Variants in MEI1 observed in about 807,000 individuals in gnomAD.
MEI1 encodes meiosis inhibitor protein 1.
A neutral mutation model predicts 146.2 loss-of-function variants in MEI1; 103 were observed. That is an observed-to-expected ratio of 0.70 (90% confidence interval 0.60 to 0.83). The LOEUF (loss-of-function observed/expected upper bound fraction) is 0.83, where lower values mean the gene tolerates loss of function less well. Ranked by LOEUF, MEI1 falls within the 40% of genes least tolerant of loss-of-function variation. MEI1 has a pLI of 0.00. For missense variants in MEI1, 1,529 were observed against 1,533.0 expected (o/e 1.00, Z 0.04); for synonymous variants, 652 against 628.2 (o/e 1.04, Z -0.57).
intron 3 of MEI1, 77 bp from the exon 4 acceptor site, chr22:41,713,925 T>C: frequency 1.7e-6 from 2 of 1,201,284 alleles, no homozygotes; most frequent in Non-Finnish European, 2.4e-6. Flanking sequence ...CCTGCACTGA[T>C]TGAGTAGAAG....
At chr22:41,710,766 G>A (rs1368648567) in intron 3 of MEI1, among the ~76,000 whole-genome samples, 1 of 152,194 alleles carries the variant, frequency 6.6e-6, no homozygotes, top group African/African-American at 2.4e-5. Flanking sequence ...TTTGGCAGAA[G>A]TATCATGGTT....
chr22:41,703,555 TG>T (rs2147209124), intron 2 of MEI1, 101 bp downstream of exon 2: 1 of 1,089,224 alleles, frequency 9.2e-7, no homozygotes, highest in South Asian at 2.0e-5. Context: ...TTAGGTTTTT[TG>T]TATTGTAATA....
At chr22:41,746,261 G>A (rs1252488424) in intron 14 of MEI1, among the ~76,000 whole-genome samples, 2 of 152,180 alleles carry the variant, frequency 1.3e-5, no homozygotes, top group Admixed American at 6.5e-5. Flanking sequence ...AAAATAATAA[G>A]TGGGTAAGTT....
At chr22:41,736,544 C>T (rs985721497) in intron 11 of MEI1, among the ~76,000 whole-genome samples, 14 of 152,132 alleles carry the variant, frequency 9.2e-5, no homozygotes, top group South Asian at 2.1e-4. Context: ...TGAGCTACCG[C>T]GCCTGGCCAA....
chr22:41,733,991 G>C (rs192922080), intron 11 of MEI1, among the ~76,000 whole-genome samples: 1 of 151,622 alleles, frequency 6.6e-6, no homozygotes, highest in Non-Finnish European at 1.5e-5. Flanking sequence ...AGCCGGATGT[G>C]GTGTCACACA....
chr22:41,777,983 CT>C (rs1482920892), intron 21 of MEI1, among the ~76,000 whole-genome samples: 9 of 151,126 alleles, frequency 6.0e-5, no homozygotes, highest in African/African-American at 2.2e-4. Context: ...TCCCCTCCTT[CT>C]CCCCTCCCTC....
Position 41,748,130 on chromosome 22 carries a change from C to G in MEI1, c.1704C>G (p.His568Gln), listed in dbSNP as rs2073471774. 6.2e-7 allele frequency: 1 copy of G among 1,613,756 alleles called. No individual in the cohort carries two copies. The highest frequency in any genetic ancestry group is 1.3e-5 in the African/African-American group (1 of 74,904). ...AGAGACACTTGGAGCAGACCACCCACCCAGCTTTGATGGAAGTTTTCCTCT... is the reference window on the plus strand; with the variant it reads ...AGAGACACTTGGAGCAGACCACCCAGCCAGCTTTGATGGAAGTTTTCCTCT... Reference protein sequence around the residue: ...MVMRHLEQTTHPALMEVFLSI... With the variant: ...MVMRHLEQTTQPALMEVFLSI... The change falls in exon 15 of 31, where the codon CAC becomes CAG. Residue 568 changes from histidine (H) to glutamine (Q), a missense_variant. His to Gln is a conservative substitution (Grantham distance 24). This residue lies in a region of MEI1 where 1,212 missense variants were observed against 1,178.9 expected (regional missense o/e 1.03). Coordinates refer to ENST00000401548, the MANE Select transcript of MEI1 (RefSeq NM_152513.4).
chr22:41,749,773 A>G (rs1279780910), intron 15 of MEI1, among the ~76,000 whole-genome samples: 1 of 152,112 alleles, frequency 6.6e-6, no homozygotes, highest in Admixed American at 6.6e-5. Context: ...GGGGCATGGA[A>G]TAGCTGGATG....
intron 11 of MEI1, among the ~76,000 whole-genome samples, chr22:41,741,857 T>G (rs1310970760): frequency 6.8e-6 from 1 of 146,974 alleles, no homozygotes; most frequent in Non-Finnish European, 1.5e-5. Flanking sequence ...GGCAGGAGAA[T>G]CACTTAAACC....
intron 12 of MEI1, among the ~76,000 whole-genome samples, chr22:41,743,858 G>A (rs1332883169): frequency 6.6e-6 from 1 of 152,000 alleles, no homozygotes; most frequent in Admixed American, 6.6e-5. Context: ...TGTAGGTTAG[G>A]GTCCCTCCAA....
At chr22:41,707,837 A>G (rs2147252832) in intron 3 of MEI1, among the ~76,000 whole-genome samples, 1 of 152,336 alleles carries the variant, frequency 6.6e-6, no homozygotes, top group East Asian at 1.9e-4. Flanking sequence ...CTAGCAAAGC[A>G]AAAATGTGAT....
rs555597074 is a variant in MEI1, at chr22:41,763,172, A to G, written c.2121-2A>G. The stretch of plus-strand genomic sequence containing the variant: ...CTCACTCAGGCTTTTCTTGGTTGAC[A>G]GGTTTGTCTCAGAGGCAGAGTTATT... On this transcript the variant is annotated splice_acceptor_variant, in intron 18 of 30. Transcript: ENST00000401548. LOFTEE classifies it high-confidence loss of function. The G allele has an allele frequency of 3.1e-6, 5 of 1,613,406 alleles. No homozygotes were observed. The Admixed American group carries it at 8.3e-5, about 27-fold the overall frequency.
chr22:41,757,580 C>T (rs746710410), intron 17 of MEI1, among the ~76,000 whole-genome samples: 4 of 152,078 alleles, frequency 2.6e-5, no homozygotes, highest in Non-Finnish European at 5.9e-5. Context: ...TGGTCTTGAA[C>T]TCCTGACCTC....
intron 19 of MEI1, among the ~76,000 whole-genome samples, chr22:41,763,803 C>T (rs1160512079): frequency 2.6e-5 from 4 of 151,976 alleles, no homozygotes; most frequent in African/African-American, 4.8e-5. Flanking sequence ...CTTTGGTCAC[C>T]TTTGGAGGAT....
intron 8 of MEI1, among the ~76,000 whole-genome samples, chr22:41,730,279 A>G (rs1384498429): frequency 1.3e-5 from 2 of 152,188 alleles, no homozygotes; most frequent in East Asian, 1.9e-4. Context: ...TACTTCCGCC[A>G]CTAATAGTGC....
intron 20 of MEI1, among the ~76,000 whole-genome samples, chr22:41,771,185 G>C (rs1169134558): frequency 6.6e-6 from 1 of 152,162 alleles, no homozygotes; most frequent in Non-Finnish European, 1.5e-5. Context: ...TACCAACTGA[G>C]AGATGTGTGC....
At chr22:41,735,654 G>A (rs559351961) in intron 11 of MEI1, among the ~76,000 whole-genome samples, 1 of 152,266 alleles carries the variant, frequency 6.6e-6, no homozygotes, top group Non-Finnish European at 1.5e-5. Flanking sequence ...ATGTTATCAT[G>A]TCTTTTGTAT....
At chr22:41,744,904 C>T (rs775236214) in intron 12 of MEI1, 69 bp from the exon 13 acceptor site, 1 of 915,820 alleles carries the variant, frequency 1.1e-6, no homozygotes, top group Non-Finnish European at 1.6e-6. Context: ...GGTCTACAGT[C>T]ATCCAAGCAT....
At chr22:41,762,559 T>C (rs2074567180) in intron 18 of MEI1, among the ~76,000 whole-genome samples, 1 of 150,066 alleles carries the variant, frequency 6.7e-6, no homozygotes, top group Admixed American at 6.6e-5. Context: ...GATTTTTTTT[T>C]TTTTTTTTGT....
Sources: gnomAD v4.1 joint callset for allele counts (sites outside exome capture counted in the v4.1 genomes callset) on GRCh38, gnomAD v4.1.1 for gene constraint, gnomAD v4.1.1 regional missense constraint, MANE v1.5 for transcripts, NCBI Gene and HGNC (gene_info 2026-07-23, HGNC 2026-07-21) for gene names.